Variants in MPRIP observed in about 807,000 individuals in gnomAD.
The protein encoded by MPRIP is myosin phosphatase Rho-interacting protein.
Under a neutral mutation model 234.9 loss-of-function variants are expected in MPRIP, and 59 were observed. The ratio of observed to expected loss-of-function variants is 0.25; its 90% CI spans 0.20 to 0.31. The LOEUF is 0.31. MPRIP is among the 10% of genes least tolerant of loss of function. The probability of loss-of-function intolerance (pLI) is 1.00; values close to 1 mark genes in which losing one functional copy is unlikely to be tolerated. For synonymous variants in MPRIP, 1,144 were observed against 1,263.9 expected, an observed-to-expected ratio of 0.91 and a Z score of 2.01; for missense variants, 2,436 against 3,071.0, an observed-to-expected ratio of 0.79 and a Z score of 4.89.
At chr17:17,106,625 G>A (rs2090068200) in intron 3 of MPRIP, among the ~76,000 whole-genome samples, 1 of 152,208 alleles carries the variant, frequency 6.6e-6, no homozygotes. Context: ...AGGCCTGCTG[G>A]AGAGATCCGG....
chr17:17,101,287 C>T (rs888524637), intron 3 of MPRIP, among the ~76,000 whole-genome samples: 7 of 152,184 alleles, frequency 4.6e-5, no homozygotes, highest in African/African-American at 9.7e-5. Flanking sequence ...AAGAAAAGGC[C>T]GGGCCTGGTG....
Position 17,154,396 on chromosome 17 carries a change from A to C in MPRIP, c.1810A>C (p.Thr604Pro), listed in dbSNP as rs552427974. Residue 604 changes from threonine (T) to proline (P), a missense_variant, in exon 13 of 24, where the codon ACT becomes CCT. By Grantham distance (38) the Thr-to-Pro change is conservative. Coordinates refer to ENST00000651222, the MANE Select transcript of MPRIP (RefSeq NM_001364716.4). ...CATCATGAAGCACGTGCACCCGACC[A>C]CTGCCCCGGATGTGACCAGGTAGGA... ...QTIMKHVHPT[T>P]APDVTSSLPE... 1.2e-6 allele frequency: 2 copies of C among 1,614,124 alleles called. No individual in the cohort carries two copies. The highest frequency in any genetic ancestry group is 2.7e-5 in the African/African-American group (2 of 75,046).
Position 17,175,271 on chromosome 17 carries a change from CTG to C in MPRIP, c.6751-20_6751-19del. The stretch of plus-strand genomic sequence containing the variant: ...GGCCCCAGGCAGCTCTGGAGTGTCA[CTG>C]TTGTGTTGCTGTCCCCCAGGAGCTG... On this transcript the variant is annotated intron_variant, in intron 19 of 23. Transcript: ENST00000651222. 1 of 1,612,816 alleles carries C rather than the reference CTG, an allele frequency of 6.2e-7. No homozygotes were observed. Among genetic ancestry groups the C allele is most frequent in the Non-Finnish European group, 8.5e-7 (1 of 1,179,938 alleles).
At chr17:17,114,994 C>A (rs2090255245) in intron 3 of MPRIP, among the ~76,000 whole-genome samples, 1 of 152,286 alleles carries the variant, frequency 6.6e-6, no homozygotes, top group Admixed American at 6.5e-5. Context: ...CTGAACGGGT[C>A]ATTTCCTCAG....
At position 17,158,701 on chromosome 17, in the gene MPRIP, A is replaced by G; in HGVS notation, c.2099A>G (p.Glu700Gly). ...LRPEAEPGEL[E>G]RERARRREER... ...CCTGAGGCGGAGCCTGGGGAGCTGGAGCGGGAGCGTGCACGGAGGCGGGAG... is the reference window on the plus strand; with the variant it reads ...CCTGAGGCGGAGCCTGGGGAGCTGGGGCGGGAGCGTGCACGGAGGCGGGAG... The change falls in exon 14 of 24, where the codon GAG becomes GGG. Residue 700 changes from glutamate (E) to glycine (G), a missense_variant. Transcript: ENST00000651222. 1 of 1,609,584 alleles carries G rather than the reference A, an allele frequency of 6.2e-7. No individual in the cohort carries two copies. Among genetic ancestry groups the G allele is most frequent in the South Asian group, 1.1e-5 (1 of 90,916 alleles).
Position 17,078,047 on chromosome 17 carries a change from G to C in MPRIP, c.238G>C (p.Gly80Arg). Residue 80 changes from glycine (G) to arginine (R), a missense_variant, in exon 3 of 24, where the codon GGC (glycine) becomes CGC (arginine). Physicochemically the swap from Gly to Arg is moderately radical, Grantham distance 125 (BLOSUM62 -2). Around this residue, in one of 4 missense-constraint regions of MPRIP, gnomAD observed 140 missense variants for 207.3 expected, o/e 0.68. Transcript: ENST00000651222. The surrounding 1 kb of genome is among the most constrained non-coding windows in gnomAD (Gnocchi z 4.3). ...QRRFFILYEH[G>R]LLRYALDEMP... ...ACGGTTCTTCATCCTTTACGAGCACGGCCTCTTGCGCTACGCCCTGGATGA... is the reference window on the plus strand; with the variant it reads ...ACGGTTCTTCATCCTTTACGAGCACCGCCTCTTGCGCTACGCCCTGGATGA... 1 of 1,614,130 alleles carries C rather than the reference G, an allele frequency of 6.2e-7. No homozygotes were observed. The highest frequency in any genetic ancestry group is 8.5e-7 in the Non-Finnish European group (1 of 1,180,020).
chr17:17,119,675 GCAATTCC>G (rs2090351369), intron 3 of MPRIP, among the ~76,000 whole-genome samples: 1 of 152,184 alleles, frequency 6.6e-6, no homozygotes, highest in Admixed American at 6.5e-5. Flanking sequence ...CTACTGCAAG[GCAATTCC>G]CTGTGTCCTC....
chr17:17,122,989 G>A (rs557538162), intron 3 of MPRIP, among the ~76,000 whole-genome samples: 7 of 152,338 alleles, frequency 4.6e-5, no homozygotes, highest in South Asian at 2.1e-4. Flanking sequence ...CAGATGAATG[G>A]ATAAACAAAA....
intron 3 of MPRIP, among the ~76,000 whole-genome samples, chr17:17,092,848 G>A (rs2089751339): frequency 6.6e-6 from 1 of 152,156 alleles, no homozygotes; most frequent in Non-Finnish European, 1.5e-5. Context: ...CCCTTCTGTC[G>A]TGGCCCCCAC....
At chr17:17,053,811 C>T (rs558317807) in intron 1 of MPRIP, among the ~76,000 whole-genome samples, 4 of 152,254 alleles carry the variant, frequency 2.6e-5, no homozygotes, top group Non-Finnish European at 5.9e-5. Flanking sequence ...CACTGAGCTG[C>T]TCTGCACCAC....
chr17:17,140,312 G>A lies in MPRIP; in HGVS notation c.1250+1883G>A, dbSNP rs114678875. Among the ~76,000 whole-genome samples the A allele has an allele frequency of 1.9e-3, 289 of 152,266 alleles. 1 individual carries two copies. Among genetic ancestry groups the A allele is most frequent in the Middle Eastern group, 6.8e-3 (2 of 294 alleles). ...CTCGTTCTTGTCTCCTGTCGCCTGG[G>A]ACAGGTGCAGTCTCTGGGGCTTTGT... On this transcript the variant is annotated intron_variant, in intron 7 of 23. Transcript: ENST00000651222.
In MPRIP at chr17:17,164,726, C is replaced by T. The variant is rs1391026843; in HGVS notation, c.3135C>T (p.Asp1045=). 7.7e-7 allele frequency: 1 copy of T among 1,295,492 alleles called. No individual in the cohort carries two copies. The highest frequency in any genetic ancestry group is 2.4e-5 in the Admixed American group (1 of 41,054). The allele number at this position is 1,295,492 out of a possible 1,614,324, so 80.2% of individuals were successfully genotyped here. A position where few individuals can be genotyped will look rare whatever the true frequency, so the allele number is the denominator to read the frequency against. The change falls in exon 16 of 24, where the codon GAC becomes GAT. Residue 1045 remains aspartate, a synonymous_variant. Coordinates refer to ENST00000651222, the MANE Select transcript of MPRIP (RefSeq NM_001364716.4). ...ALLQNLKEVE[D]KASAYEDQLQ... ...TGCAGAACCTAAAGGAAGTGGAAGA[C>T]AAGGCCAGCGCCTATGAGGACCAGC... is the stretch of plus-strand genomic sequence containing the variant.
intron 3 of MPRIP, among the ~76,000 whole-genome samples, chr17:17,091,410 T>C (rs1210798075): frequency 6.6e-6 from 1 of 152,134 alleles, no homozygotes; most frequent in Non-Finnish European, 1.5e-5. Flanking sequence ...AGATGCCGCT[T>C]GCTCCGTGCA....
intron 1 of MPRIP, among the ~76,000 whole-genome samples, chr17:17,046,522 C>T (rs978279880): frequency 6.6e-6 from 1 of 152,108 alleles, no homozygotes; most frequent in Non-Finnish European, 1.5e-5. Context: ...ATTTCCAGGA[C>T]TGGATATTAT....
chr17:17,112,483 A>C (rs943644328), intron 3 of MPRIP, among the ~76,000 whole-genome samples: 7 of 152,116 alleles, frequency 4.6e-5, no homozygotes, highest in African/African-American at 1.7e-4. Flanking sequence ...GAGTTAAAGG[A>C]TTTGGGGGAT....
intron 2 of MPRIP, chr17:17,077,025 T>C (rs1438725474): frequency 6.7e-6 from 1 of 150,044 alleles, no homozygotes; most frequent in Non-Finnish European, 1.5e-5. Flanking sequence ...CAGTGCAGTC[T>C]TGACCTCCCA....
At chr17:17,101,955 G>A (rs753479785) in intron 3 of MPRIP, among the ~76,000 whole-genome samples, 4 of 152,204 alleles carry the variant, frequency 2.6e-5, no homozygotes, top group African/African-American at 9.6e-5. Flanking sequence ...AATGTCACCC[G>A]CAGGGAGCTG....
intron 20 of MPRIP, among the ~76,000 whole-genome samples, chr17:17,175,917 G>A (rs2046244130): frequency 6.6e-6 from 1 of 152,230 alleles, no homozygotes; most frequent in Admixed American, 6.5e-5. Flanking sequence ...GTGGCTTTGA[G>A]CTTTGTCTCT....
intron 7 of MPRIP, chr17:17,141,886 C>A: frequency 6.5e-6 from 1 of 152,700 alleles, no homozygotes. Context: ...GTCTCTCTCC[C>A]TCTTCAGTGA....
Sources: allele counts gnomAD v4.1 joint callset (sites outside exome capture counted in the v4.1 genomes callset), GRCh38; gene constraint gnomAD v4.1.1; regional missense constraint gnomAD v4.1.1; non-coding constraint Gnocchi (gnomAD v3.1); transcripts MANE v1.5; gene names NCBI Gene and HGNC (gene_info 2026-07-23, HGNC 2026-07-21).